The following HSPA4L variants were observed in gnomAD, a reference collection of about 807,000 sequenced individuals.
The protein encoded by HSPA4L is heat shock 70 kDa protein 4L.
A neutral mutation model predicts 100.3 loss-of-function variants in HSPA4L; 48 were observed. The ratio of observed to expected loss-of-function variants is 0.48; its 90% CI spans 0.38 to 0.61. HSPA4L has a LOEUF of 0.61. HSPA4L is among the 20% of genes least tolerant of loss of function. The pLI is 0.00. For missense variants in HSPA4L, 886 were observed against 988.6 expected, an observed-to-expected ratio of 0.90 and a Z score of 1.39; for synonymous variants, 319 against 328.2, an observed-to-expected ratio of 0.97 and a Z score of 0.30.
intron 1 of HSPA4L, among the ~76,000 whole-genome samples, chr4:127,785,837 C>T (rs1356494109): frequency 6.6e-6 from 1 of 152,158 alleles, no homozygotes; most frequent in Non-Finnish European, 1.5e-5. Context: ...CCTAATAATT[C>T]AGGTTGTTTA....
At chr4:127,816,132 TTTC>T (rs1733665033) in intron 12 of HSPA4L, among the ~76,000 whole-genome samples, 2 of 152,254 alleles carry the variant, frequency 1.3e-5, no homozygotes, top group African/African-American at 4.8e-5. Flanking sequence ...TCTAGATTTG[TTTC>T]TTAAGTGCTT....
intron 12 of HSPA4L, among the ~76,000 whole-genome samples, chr4:127,812,515 T>C (rs191500986): frequency 2.9e-4 from 44 of 152,194 alleles, no homozygotes; most frequent in Non-Finnish European, 5.0e-4. Context: ...TAGGAGAACT[T>C]TATCGTATTT....
intron 18 of HSPA4L, 83 bp downstream of exon 18, chr4:127,830,882 C>A (rs1288271384): frequency 3.5e-6 from 3 of 850,976 alleles, no homozygotes; most frequent in African/African-American, 1.8e-5. Flanking sequence ...AAATAATCAA[C>A]TTGCAGAAGA....
intron 13 of HSPA4L, among the ~76,000 whole-genome samples, chr4:127,818,959 T>G (rs1733743849): frequency 6.6e-6 from 1 of 152,152 alleles, no homozygotes; most frequent in Non-Finnish European, 1.5e-5. Context: ...TTTCCTTAAT[T>G]CATTATTTCT....
Position 127,811,491 on chromosome 4 carries a change from T to G in HSPA4L, c.1433T>G (p.Val478Gly), listed in dbSNP as rs766864034. The change falls in exon 12 of 19, where the codon GTG becomes GGG. Residue 478 changes from valine (V) to glycine (G), a missense_variant. Val to Gly is a moderately radical substitution (Grantham distance 109). Coordinates refer to ENST00000296464, the MANE Select transcript of HSPA4L (RefSeq NM_014278.4). ...CAGTCTGATGGTGATAGTTCCAAAG[T>G]GAAGGTTAAAGTTCGTGTTAACATC... ...FPQSDGDSSKVKVKVRVNIHG... is the reference protein window; with the variant it reads ...FPQSDGDSSKGKVKVRVNIHG... 1.9e-6 allele frequency: 3 copies of G among 1,614,042 alleles called. No homozygotes were observed. The highest frequency in any genetic ancestry group is 2.5e-6 in the Non-Finnish European group (3 of 1,179,980).
chr4:127,812,658 GTT>G (rs1397144404), intron 12 of HSPA4L: 1 of 659,522 alleles, frequency 1.5e-6, no homozygotes, highest in Non-Finnish European at 2.6e-6. Flanking sequence ...GTTTGTTTTT[GTT>G]TTGTTTTGTT....
At chr4:127,806,727 G>C (rs989076507) in intron 10 of HSPA4L, among the ~76,000 whole-genome samples, 1 of 151,834 alleles carries the variant, frequency 6.6e-6, no homozygotes, top group Admixed American at 6.6e-5. Flanking sequence ...TTACTTGACT[G>C]CTTTTCAGAA....
rs1287810682 is a variant in HSPA4L at position 127,782,442 on chromosome 4, C to T, written c.-109C>T. ...TCTGCTTAGCGACTTGGGGTCCCCT[C>T]TCGTTTGCTTCTGGTAGGAGTCGCA... On this transcript the variant is annotated 5_prime_UTR_variant, in exon 1 of 19. Transcript: ENST00000296464. 1.2e-5 allele frequency: 10 copies of T among 866,256 alleles called. No homozygotes were observed. The highest frequency in any genetic ancestry group is 1.9e-5 in the Non-Finnish European group (10 of 525,658). The allele number at this position is 866,256 out of a possible 1,614,324, so 53.7% of individuals were successfully genotyped here.
intron 12 of HSPA4L, 117 bp from the exon 13 acceptor site, chr4:127,818,208 T>G (rs1733721366): frequency 1.7e-6 from 1 of 575,492 alleles, no homozygotes; most frequent in Admixed American, 3.3e-5. Flanking sequence ...GAGCTTCTAC[T>G]TAACTGTTTC....
intron 17 of HSPA4L, 99 bp from the exon 18 acceptor site, chr4:127,830,539 A>G: frequency 1.2e-6 from 1 of 825,876 alleles, no homozygotes; most frequent in Non-Finnish European, 1.8e-6. Context: ...TGAGATATAC[A>G]GTCAATAAGA....
At chr4:127,828,470 C>T (rs1734002894) in intron 17 of HSPA4L, among the ~76,000 whole-genome samples, 1 of 152,090 alleles carries the variant, frequency 6.6e-6, no homozygotes, top group Non-Finnish European at 1.5e-5. Flanking sequence ...ACTTAAGCAA[C>T]TTATTGAGGT....
intron 11 of HSPA4L, among the ~76,000 whole-genome samples, chr4:127,810,383 T>C (rs1472289539): frequency 1.3e-5 from 2 of 152,204 alleles, no homozygotes; most frequent in Non-Finnish European, 2.9e-5. Context: ...TATAACAAAG[T>C]ACCACAAGCT....
At chr4:127,820,863 T>C (rs957597203) in intron 14 of HSPA4L, among the ~76,000 whole-genome samples, 2 of 152,096 alleles carry the variant, frequency 1.3e-5, no homozygotes, top group Admixed American at 1.3e-4. Context: ...AGACCACATA[T>C]GGGGAAATAT....
At chr4:127,804,165 A>C in intron 8 of HSPA4L, 78 bp downstream of exon 8, 1 of 1,138,748 alleles carries the variant, frequency 8.8e-7, no homozygotes, top group Admixed American at 2.2e-5. Flanking sequence ...GATAAAATAA[A>C]TTTTTAAAAC....
At chr4:127,796,135 C>A (rs1340589765) in intron 3 of HSPA4L, among the ~76,000 whole-genome samples, 5 of 151,942 alleles carry the variant, frequency 3.3e-5, no homozygotes, top group Non-Finnish European at 7.4e-5. Context: ...GTTATTGAGA[C>A]TCAAGAGAAT....
In HSPA4L at chr4:127,834,988, T is replaced by A. The variant is rs1734170456; in HGVS notation, c.*2114T>A. On this transcript the variant is annotated 3_prime_UTR_variant, in exon 19 of 19. Coordinates refer to ENST00000296464, the MANE Select transcript of HSPA4L (RefSeq NM_014278.4). Reference sequence around the variant, plus strand: ...ATATATACTTTTTCTACCCAATTATTCAACTTAAAAGATTTCAAAAACGAT... The same window carrying A: ...ATATATACTTTTTCTACCCAATTATACAACTTAAAAGATTTCAAAAACGAT... 1 of 152,202 alleles carries A rather than the reference T, an allele frequency of 6.6e-6. No homozygotes were observed. The highest frequency in any genetic ancestry group is 2.4e-5 in the African/African-American group (1 of 41,454). 9.4% of individuals were successfully genotyped at this position (152,202 alleles called of 1,614,324 possible).
intron 1 of HSPA4L, chr4:127,783,747 C>A: frequency 2.2e-6 from 3 of 1,372,738 alleles, no homozygotes; most frequent in Non-Finnish European, 3.0e-6. Flanking sequence ...TATACTAAAA[C>A]AAGGTCAGTG....
At chr4:127,818,242 C>T in intron 12 of HSPA4L, 83 bp from the exon 13 acceptor site, 3 of 874,998 alleles carry the variant, frequency 3.4e-6, no homozygotes, top group South Asian at 1.7e-5. Context: ...TCAAAACAGG[C>T]TTGAACTCTT....
chr4:127,810,326 A>G lies in HSPA4L; in HGVS notation c.1379-1111A>G, dbSNP rs930033680. Among the ~76,000 whole-genome samples, 15 of 152,226 alleles carry G rather than the reference A, an allele frequency of 9.9e-5. 1 individual carries two copies. The South Asian group carries it at 1.0e-3, about 11-fold the overall frequency. ...ATTATAAATATTTCAAGGATATTAT[A>G]TAAAGCAGTAAAATTATTGAACATT... On this transcript the variant is annotated intron_variant, in intron 11 of 18. Coordinates refer to ENST00000296464, the MANE Select transcript of HSPA4L (RefSeq NM_014278.4).
Sources: gnomAD v4.1 joint callset for allele counts (sites outside exome capture counted in the v4.1 genomes callset) on GRCh38, gnomAD v4.1.1 for gene constraint, MANE v1.5 for transcripts, NCBI Gene and HGNC (gene_info 2026-07-23, HGNC 2026-07-21) for gene names.